MYH15: variants seen among roughly 807,000 people sequenced by gnomAD.
The protein encoded by MYH15 is myosin-15.
MYH15 carries 227 observed loss-of-function variants against 240.5 expected under a neutral mutation model. The ratio of observed to expected loss-of-function variants is 0.94; its 90% confidence interval spans 0.85 to 1.05. MYH15 has a LOEUF of 1.05. Ranked by LOEUF, MYH15 falls within the 50% of genes least tolerant of loss-of-function variation. The pLI is 0.00. For missense variants in MYH15, 2,217 were observed against 2,247.5 expected (o/e 0.99, Z 0.27); for synonymous variants, 785 against 796.7 (o/e 0.99, Z 0.25).
At chr3:108,399,772 C>G (rs1416566827) in intron 33 of MYH15, among the ~76,000 whole-genome samples, 1 of 152,208 alleles carries the variant, frequency 6.6e-6, no homozygotes, top group Non-Finnish European at 1.5e-5. Flanking sequence ...AGACACAACT[C>G]TCCTAGAATA....
At chr3:108,447,563 T>C (rs12487695) in intron 21 of MYH15, among the ~76,000 whole-genome samples, 20,192 of 150,574 alleles carry the variant, frequency 0.13, 1,811 homozygotes, top group East Asian at 0.47. Context: ...TGGTGTGATA[T>C]AACCAAAGTG....
intron 7 of MYH15, 70 bp downstream of exon 7, chr3:108,495,710 G>T (rs1398011151): frequency 6.8e-6 from 8 of 1,184,434 alleles, no homozygotes; most frequent in East Asian, 2.5e-5. Context: ...ATACCTATGT[G>T]CTTACATATA....
intron 23 of MYH15, 112 bp downstream of exon 23, chr3:108,440,906 T>TG: frequency 7.8e-7 from 1 of 1,280,706 alleles, no homozygotes; most frequent in Non-Finnish European, 1.1e-6. Flanking sequence ...GCTGTAAAGT[T>TG]GCAGGCCACT....
At chr3:108,443,295 T>C (rs990139493) in intron 22 of MYH15, among the ~76,000 whole-genome samples, 5 of 152,080 alleles carry the variant, frequency 3.3e-5, no homozygotes, top group African/African-American at 1.2e-4. Flanking sequence ...GGGTGTAAAG[T>C]CTTACATAAA....
At position 108,463,256 on chromosome 3, in the gene MYH15, A is replaced by G; in HGVS notation, c.1732-13T>C. The G allele has an allele frequency of 6.3e-7, 1 of 1,592,592 alleles. No individual in the cohort carries two copies. The highest frequency in any genetic ancestry group is 8.5e-7 in the Non-Finnish European group (1 of 1,174,396). On this transcript the variant is annotated splice_polypyrimidine_tract_variant and intron_variant, in intron 15 of 40. Transcript: ENST00000693548. ...TATTATAAGGTACCTTTGGAAAGGC[A>G]TGCATTTCAGGTTAAAAAAAGAAAA...
At chr3:108,533,916 T>A (rs1486480506), upstream of MYH15, among the ~76,000 whole-genome samples, 1 of 152,214 alleles carries the variant, frequency 6.6e-6, no homozygotes, top group Admixed American at 6.5e-5. Context: ...AGGACTGACC[T>A]GAGAATATTG....
chr3:108,465,963 A>G (rs1576250982), intron 14 of MYH15, among the ~76,000 whole-genome samples: 1 of 152,248 alleles, frequency 6.6e-6, no homozygotes, highest in African/African-American at 2.4e-5. Context: ...GTTACTGCAA[A>G]TCTCATGACC....
chr3:108,513,861 T>A (rs780768345), upstream of MYH15, among the ~76,000 whole-genome samples: 15 of 152,250 alleles, frequency 9.9e-5, no homozygotes, highest in Non-Finnish European at 1.8e-4. Context: ...TAGATCATCA[T>A]GTACATGACA....
In MYH15 at chr3:108,495,762, C is replaced by G. The variant is rs754793015; in HGVS notation, c.711+18G>C. 1.9e-6 allele frequency: 3 copies of G among 1,583,778 alleles called. No homozygotes were observed. The highest frequency in any genetic ancestry group is 2.6e-6 in the Non-Finnish European group (3 of 1,155,786). ...ACAAATTAAATACTTTGATATTATG[C>G]TAAATCATGTTACTTACAAAACGAG... On this transcript the variant is annotated intron_variant, in intron 7 of 40. Coordinates refer to ENST00000693548, the MANE Select transcript of MYH15 (RefSeq NM_014981.3).
At chr3:108,530,265 G>A (rs950430349), upstream of MYH15, among the ~76,000 whole-genome samples, 1 of 152,122 alleles carries the variant, frequency 6.6e-6, no homozygotes, top group Non-Finnish European at 1.5e-5. Flanking sequence ...GATATCTATA[G>A]GAATACAAAT....
intron 32 of MYH15, among the ~76,000 whole-genome samples, chr3:108,405,659 T>A (rs79524491): frequency 0.017 from 2,665 of 152,308 alleles, 37 homozygotes; most frequent in Non-Finnish European, 0.027. Flanking sequence ...CATTCTTAGG[T>A]CTTTCAGCTG....
intron 39 of MYH15, 55 bp from the exon 40 acceptor site, chr3:108,383,784 T>G: frequency 7.4e-7 from 1 of 1,353,836 alleles, no homozygotes; most frequent in Non-Finnish European, 9.8e-7. Context: ...AGTCAGGTGT[T>G]TTTTTTTTCT....
At chr3:108,458,233 C>T (rs1482198850) in intron 18 of MYH15, among the ~76,000 whole-genome samples, 3 of 152,104 alleles carry the variant, frequency 2.0e-5, no homozygotes, top group East Asian at 1.9e-4. Flanking sequence ...CAAGTTGACT[C>T]GATGGGAAGC....
chr3:108,518,824 T>C (rs906936577), intron 1 of MYH15, among the ~76,000 whole-genome samples: 1 of 152,246 alleles, frequency 6.6e-6, no homozygotes, highest in African/African-American at 2.4e-5. Flanking sequence ...GTCAGCTAGA[T>C]GTGTTCTTAG....
At chr3:108,390,796 C>G (rs551358336) in intron 37 of MYH15, among the ~76,000 whole-genome samples, 10 of 151,926 alleles carry the variant, frequency 6.6e-5, no homozygotes, top group Non-Finnish European at 1.5e-4. Context: ...TTGACTTAAA[C>G]TTGTTTTTTT....
chr3:108,474,116 AC>A (rs1463835280), intron 12 of MYH15, among the ~76,000 whole-genome samples: 1 of 152,184 alleles, frequency 6.6e-6, no homozygotes, highest in Non-Finnish European at 1.5e-5. Flanking sequence ...TAGAATGTTA[AC>A]GTTGCAAAAA....
Position 108,416,840 on chromosome 3 carries a change from A to G in MYH15, c.3920T>C (p.Leu1307Pro), listed in dbSNP as rs2082637719. 6.2e-7 allele frequency: 1 copy of G among 1,613,740 alleles called. No homozygotes were observed. Among genetic ancestry groups the G allele is most frequent in the Admixed American group, 1.7e-5 (1 of 59,990 alleles). Residue 1307 changes from leucine (L) to proline (P), a missense_variant, in exon 29 of 41, where the codon CTG becomes CCG. Transcript: ENST00000693548. ...GGTCTCCTTTTCCAGCTGCCCTCTC[A>G]GGTCTTCAATCTGCCGAGTGAAGTT... ...KSNFTRQIED[L>P]RGQLEKETKS...
At chr3:108,437,066 A>G (rs1401858608) in intron 25 of MYH15, among the ~76,000 whole-genome samples, 1 of 152,088 alleles carries the variant, frequency 6.6e-6, no homozygotes, top group East Asian at 1.9e-4. Context: ...TTTAGATTTT[A>G]AGGTTTAATA....
At chr3:108,483,586 C>T (rs1455284190) in intron 11 of MYH15, among the ~76,000 whole-genome samples, 6 of 152,184 alleles carry the variant, frequency 3.9e-5, no homozygotes, top group Non-Finnish European at 7.3e-5. Context: ...AACAATTCCA[C>T]TTCTAGGTAT....
Sources: allele counts gnomAD v4.1 joint callset (sites outside exome capture counted in the v4.1 genomes callset), GRCh38; gene constraint gnomAD v4.1.1; transcripts MANE v1.5; gene names NCBI Gene and HGNC (gene_info 2026-07-23, HGNC 2026-07-21).